The following ESRRG variants were observed in gnomAD, a reference collection of about 807,000 sequenced individuals.
The protein encoded by ESRRG is estrogen related receptor gamma.
ESRRG carries 13 observed loss-of-function variants against 44.0 expected under a neutral mutation model. The observed-to-expected ratio is 0.30, with a 90% CI of 0.19 to 0.47. ESRRG has a LOEUF of 0.47. Ranked by LOEUF, ESRRG falls within the 20% of genes least tolerant of loss-of-function variation. The probability of loss-of-function intolerance (pLI) is 1.00; values close to 1 mark genes in which losing one functional copy is unlikely to be tolerated. For synonymous variants in ESRRG, 215 were observed against 214.6 expected, an observed-to-expected ratio of 1.00 and a Z score of -0.02; for missense variants, 395 against 580.6, an observed-to-expected ratio of 0.68 and a Z score of 3.29.
chr1:216,790,611 T>G (rs1031614464), intron 2 of ESRRG, among the ~76,000 whole-genome samples: 1 of 152,098 alleles, frequency 6.6e-6, no homozygotes, highest in Non-Finnish European at 1.5e-5. Flanking sequence ...AGATTAAAAA[T>G]ATATAGTACA....
At chr1:216,916,050 A>T (rs894164672) in intron 2 of ESRRG, among the ~76,000 whole-genome samples, 1 of 152,106 alleles carries the variant, frequency 6.6e-6, no homozygotes, top group African/African-American at 2.4e-5. Context: ...GTGTGTGTAC[A>T]TGTGCCCACC....
At chr1:216,730,598 G>A (rs959959843) in intron 2 of ESRRG, among the ~76,000 whole-genome samples, 1 of 152,098 alleles carries the variant, frequency 6.6e-6, no homozygotes, top group Admixed American at 6.6e-5. Flanking sequence ...CAATGTTATA[G>A]GAACACAATG....
chr1:216,611,069 G>A (rs529532790), intron 3 of ESRRG, among the ~76,000 whole-genome samples: 1 of 152,082 alleles, frequency 6.6e-6, no homozygotes, highest in Non-Finnish European at 1.5e-5. Flanking sequence ...TGGGCGTAGT[G>A]GCAGGTGCCT....
intron 1 of ESRRG, among the ~76,000 whole-genome samples, chr1:217,079,990 G>A (rs2091619569): frequency 6.6e-6 from 1 of 152,108 alleles, no homozygotes; most frequent in African/African-American, 2.4e-5. Context: ...GAAAACTTTG[G>A]CTTGAAAGTG....
At chr1:216,854,706 GAT>G (rs2095898385) in intron 2 of ESRRG, among the ~76,000 whole-genome samples, 1 of 152,210 alleles carries the variant, frequency 6.6e-6, no homozygotes, top group Middle Eastern at 3.4e-3. Flanking sequence ...CCAGAGCTGT[GAT>G]ATAATTGCAA....
chr1:216,885,955 GC>G (rs1302496578), intron 2 of ESRRG, among the ~76,000 whole-genome samples: 1 of 151,640 alleles, frequency 6.6e-6, no homozygotes, highest in African/African-American at 2.4e-5. Flanking sequence ...AGAACCTCTA[GC>G]CTGTAACCAT....
At chr1:216,624,334 C>A (rs1166835021) in intron 3 of ESRRG, among the ~76,000 whole-genome samples, 1 of 152,140 alleles carries the variant, frequency 6.6e-6, no homozygotes, top group Non-Finnish European at 1.5e-5. Flanking sequence ...TAATAGTAGA[C>A]AGTTTAGGAC....
At chr1:217,033,630 T>C (rs1579825240) in intron 1 of ESRRG, among the ~76,000 whole-genome samples, 1 of 152,210 alleles carries the variant, frequency 6.6e-6, no homozygotes, top group Non-Finnish European at 1.5e-5. Context: ...GAGAGATGTA[T>C]GGCATGTACA....
chr1:217,090,000 C>T (rs1455771001), upstream of ESRRG, among the ~76,000 whole-genome samples: 1 of 152,158 alleles, frequency 6.6e-6, no homozygotes, highest in Non-Finnish European at 1.5e-5. Flanking sequence ...TGTTTGCATG[C>T]GTTTCTCTTT....
rs565589040 is a variant in ESRRG at position 216,902,105 on chromosome 1, C to A, written c.-14+37477G>T. ...CATGATCTTCTCAAGACATCTCTCC[C>A]AACTGCTATTTCCTAAGCTTCTAAT... is the stretch of plus-strand genomic sequence containing the variant. On this transcript the variant is annotated intron_variant, in intron 2 of 7. Transcript: ENST00000359162. Among the ~76,000 whole-genome samples, 144 of 152,266 alleles carry A rather than the reference C, an allele frequency of 9.5e-4. 5 individuals are homozygous for A. In the South Asian group the frequency reaches 0.028, roughly 30 times the overall value.
At chr1:216,555,433 T>C (rs948146509) in intron 5 of ESRRG, among the ~76,000 whole-genome samples, 3 of 152,012 alleles carry the variant, frequency 2.0e-5, no homozygotes, top group African/African-American at 7.2e-5. Context: ...CTAATTTTGA[T>C]AGGTACAAAG....
chr1:216,517,314 G>A (rs898858730), intron 6 of ESRRG, among the ~76,000 whole-genome samples: 9 of 152,086 alleles, frequency 5.9e-5, no homozygotes, highest in African/African-American at 1.9e-4. Context: ...GGATTAGGAC[G>A]TTTATCTATC....
chr1:217,007,099 A>G (rs1035098576), intron 1 of ESRRG, among the ~76,000 whole-genome samples: 5 of 152,134 alleles, frequency 3.3e-5, no homozygotes, highest in Non-Finnish European at 7.4e-5. Flanking sequence ...AGGAGTTCAG[A>G]GATGATAGAG....
At chr1:216,704,890 C>T (rs974510930) in intron 1 of ESRRG, among the ~76,000 whole-genome samples, 3 of 152,100 alleles carry the variant, frequency 2.0e-5, no homozygotes, top group African/African-American at 7.2e-5. Flanking sequence ...CTACCAATTC[C>T]ATTCACAGTT....
intron 2 of ESRRG, among the ~76,000 whole-genome samples, chr1:216,730,205 G>GAC (rs1365128347): frequency 6.6e-6 from 1 of 150,872 alleles, no homozygotes; most frequent in Admixed American, 6.6e-5. Flanking sequence ...CCTCTCTGAG[G>GAC]ACACGTGTCC....
At chr1:216,893,717 C>A (rs144726719) in intron 2 of ESRRG, among the ~76,000 whole-genome samples, 426 of 151,510 alleles carry the variant, frequency 2.8e-3, no homozygotes, top group African/African-American at 9.7e-3. Flanking sequence ...ATACATATTT[C>A]TAAGTATGTA....
intron 1 of ESRRG, among the ~76,000 whole-genome samples, chr1:216,719,467 A>G (rs2085684748): frequency 6.6e-6 from 1 of 152,030 alleles, no homozygotes; most frequent in Non-Finnish European, 1.5e-5. Flanking sequence ...TAAGATCTGA[A>G]AAATTTAGAG....
chr1:216,577,168 GGAGAGAGA>G (rs142792725), intron 3 of ESRRG, among the ~76,000 whole-genome samples: 1 of 149,218 alleles, frequency 6.7e-6, no homozygotes, highest in African/African-American at 2.5e-5. Context: ...GATGTCAGAG[GGAGAGAGA>G]GAGAGAGAGA....
intron 2 of ESRRG, among the ~76,000 whole-genome samples, chr1:216,918,652 C>G (rs750907027): frequency 1.7e-4 from 26 of 152,024 alleles, no homozygotes; most frequent in Admixed American, 5.9e-4. Flanking sequence ...CTAATGGAAC[C>G]TTTCCATAAC....
Sources: gnomAD v4.1 joint callset for allele counts (sites outside exome capture counted in the v4.1 genomes callset) on GRCh38, gnomAD v4.1.1 for gene constraint, MANE v1.5 for transcripts, NCBI Gene and HGNC (gene_info 2026-07-23, HGNC 2026-07-21) for gene names.